Variants in CENPE observed in about 807,000 individuals in gnomAD.
CENPE encodes the protein centromere-associated protein E.
In CENPE, 145 loss-of-function variants were observed where a neutral mutation model predicts 336.1. The observed-to-expected ratio is 0.43, with a 90% CI of 0.38 to 0.50. CENPE has a LOEUF of 0.50. CENPE is among the 20% of genes least tolerant of loss of function. The probability of loss-of-function intolerance (pLI) is 0.00; values close to 1 mark genes in which losing one functional copy is unlikely to be tolerated. For synonymous variants in CENPE, 1,013 were observed against 984.8 expected, an observed-to-expected ratio of 1.03 and a Z score of -0.54; for missense variants, 2,719 against 3,023.3, an observed-to-expected ratio of 0.90 and a Z score of 2.36.
chr4:103,190,764 A>C (rs1320427606), intron 8 of CENPE, among the ~76,000 whole-genome samples: 1 of 152,222 alleles, frequency 6.6e-6, no homozygotes, highest in East Asian at 1.9e-4. Context: ...CACCAAAAGC[A>C]ATGACAACAA....
In CENPE at chr4:103,125,814, G is replaced by A. The variant is rs535753246; in HGVS notation, c.6925-2725C>T. Among the ~76,000 whole-genome samples, 3 of 142,826 alleles carry A rather than the reference G, an allele frequency of 2.1e-5. No homozygotes were observed. In the East Asian group the frequency reaches 6.2e-4, roughly 30 times the overall value. The allele number at this position is 142,826 out of a possible 152,430, so 93.7% of individuals were successfully genotyped here. A position where few individuals can be genotyped will look rare whatever the true frequency, so the allele number is the denominator to read the frequency against. On this transcript the variant is annotated intron_variant, in intron 42 of 48. Coordinates refer to ENST00000265148, the MANE Select transcript of CENPE (RefSeq NM_001813.3). ...CAGGAGGCGGAGGTTGCAGTGAGCC[G>A]AGATTGAGCCACTGCACACTCCAGC...
chr4:103,159,733 G>A (rs964319216), intron 21 of CENPE, among the ~76,000 whole-genome samples: 5 of 151,566 alleles, frequency 3.3e-5, no homozygotes, highest in Non-Finnish European at 5.9e-5. Flanking sequence ...AATAATTTAA[G>A]TAATGTTTAA....
intron 19 of CENPE, 22 bp from the exon 20 acceptor site, chr4:103,161,273 A>G: frequency 1.2e-6 from 2 of 1,605,508 alleles, no homozygotes; most frequent in Non-Finnish European, 1.7e-6. Context: ...AACATTGCAA[A>G]TGCACAAAAA....
At chr4:103,149,544 T>A (rs1261851439) in intron 26 of CENPE, 136 bp from the exon 27 acceptor site, 13 of 757,260 alleles carry the variant, frequency 1.7e-5, no homozygotes, top group Non-Finnish European at 2.6e-5. Flanking sequence ...CTCACAGGCA[T>A]AAATGTCTGC....
intron 8 of CENPE, among the ~76,000 whole-genome samples, chr4:103,188,383 T>C (rs548590652): frequency 1.3e-5 from 2 of 152,166 alleles, no homozygotes; most frequent in African/African-American, 4.8e-5. Context: ...ATTGACCACA[T>C]AGTTGGAAGT....
At chr4:103,153,738 C>T (rs1172086076) in intron 24 of CENPE, among the ~76,000 whole-genome samples, 10 of 152,080 alleles carry the variant, frequency 6.6e-5, no homozygotes, top group East Asian at 5.8e-4. Context: ...TACTACTAAA[C>T]GAGTAAGCAA....
At position 103,176,022 on chromosome 4, in the gene CENPE, T is replaced by C. The variant is rs776966645; in HGVS notation, c.1417A>G (p.Ser473Gly). ...ESVCSESDVF[S>G]NTLDTLSEIE... is the part of the protein sequence containing the mutation. ...TCACTTAATGTATCAAGAGTGTTAC[T>C]GAAAACATCAGACTCTGAACAGACA... The change falls in exon 15 of 49, where the codon AGT becomes GGT. Residue 473 changes from serine to glycine, a missense_variant. Transcript: ENST00000265148. 1.2e-6 allele frequency: 2 copies of C among 1,604,252 alleles called. No individual in the cohort carries two copies. The highest frequency in any genetic ancestry group is 2.2e-5 in the South Asian group (2 of 89,012).
chr4:103,108,462 T>C (rs1247890781), intron 48 of CENPE, among the ~76,000 whole-genome samples: 1 of 152,180 alleles, frequency 6.6e-6, no homozygotes, highest in Non-Finnish European at 1.5e-5. Context: ...ATAATGCTAT[T>C]GGATATTTTG....
chr4:103,111,064 C>A, intron 46 of CENPE, 53 bp from the exon 47 acceptor site: 2 of 1,319,106 alleles, frequency 1.5e-6, no homozygotes, highest in South Asian at 2.9e-5. Flanking sequence ...CTCCAAAGTT[C>A]AAAATAAAGG....
intron 19 of CENPE, 42 bp from the exon 20 acceptor site, chr4:103,161,293 C>T (rs1754420747): frequency 1.9e-6 from 3 of 1,603,984 alleles, no homozygotes; most frequent in Non-Finnish European, 2.6e-6. Context: ...ATACACTGAT[C>T]ATTACAACTA....
intron 36 of CENPE, 69 bp downstream of exon 36, chr4:103,140,745 G>A: frequency 2.3e-6 from 3 of 1,289,376 alleles, no homozygotes; most frequent in South Asian, 3.0e-5. Context: ...ACACAACGCT[G>A]CAGTGAACAC....
intron 1 of CENPE, among the ~76,000 whole-genome samples, chr4:103,197,775 G>C (rs1757851328): frequency 6.6e-6 from 1 of 152,212 alleles, no homozygotes; most frequent in South Asian, 2.1e-4. Context: ...GCAATGACGG[G>C]AGTGTCTGTG....
At chr4:103,193,198 A>G (rs1757499098) in intron 8 of CENPE, among the ~76,000 whole-genome samples, 1 of 152,138 alleles carries the variant, frequency 6.6e-6, no homozygotes, top group Admixed American at 6.5e-5. Context: ...TGAATATGCC[A>G]AGAGTATTAA....
At chr4:103,194,501 T>A in intron 6 of CENPE, 60 bp from the exon 7 acceptor site, 1 of 1,468,010 alleles carries the variant, frequency 6.8e-7, no homozygotes, top group Non-Finnish European at 9.3e-7. Context: ...AACACAATAA[T>A]TTTTATTTTA....
intron 35 of CENPE, 86 bp downstream of exon 35, chr4:103,141,664 A>G: frequency 1.1e-6 from 1 of 893,274 alleles, no homozygotes; most frequent in Non-Finnish European, 1.7e-6. Flanking sequence ...GGTGTTTTCC[A>G]GTGTGGTTGA....
intron 43 of CENPE, 39 bp from the exon 44 acceptor site, chr4:103,120,372 A>G (rs1750514354): frequency 1.3e-6 from 2 of 1,503,408 alleles, no homozygotes; most frequent in East Asian, 2.3e-5. Flanking sequence ...TCTATCATCA[A>G]GACAGAATCA....
chr4:103,147,671 G>A (rs1753172427), intron 28 of CENPE, 25 bp from the exon 29 acceptor site: 1 of 1,578,498 alleles, frequency 6.3e-7, no homozygotes, highest in Non-Finnish European at 8.6e-7. Flanking sequence ...AAAATACCAA[G>A]GTTACTATCA....
chr4:103,174,685 T>C (rs775530094), intron 16 of CENPE, 51 bp downstream of exon 16: 70 of 1,272,904 alleles, frequency 5.5e-5, no homozygotes, highest in Non-Finnish European at 7.2e-5. Context: ...AAGAGAATAC[T>C]TCTTTTAAAA....
chr4:103,161,013 G>A (rs1560645374), intron 20 of CENPE, 73 bp downstream of exon 20: 1 of 1,253,160 alleles, frequency 8.0e-7, no homozygotes. Context: ...ATTGAAATAT[G>A]CTTGTCAAAT....
Sources: allele counts gnomAD v4.1 joint callset (sites outside exome capture counted in the v4.1 genomes callset), GRCh38; gene constraint gnomAD v4.1.1; transcripts MANE v1.5; gene names NCBI Gene and HGNC (gene_info 2026-07-23, HGNC 2026-07-21).